The following BCLAF1 variants were observed in gnomAD, a reference collection of about 807,000 sequenced individuals.
The protein encoded by BCLAF1 is bcl-2-associated transcription factor 1.
A neutral mutation model predicts 99.5 loss-of-function variants in BCLAF1; 10 were observed. The ratio of observed to expected loss-of-function variants is 0.10; its 90% CI spans 0.06 to 0.17. The LOEUF (loss-of-function observed/expected upper bound fraction) is 0.17. BCLAF1 is among the 10% of genes least tolerant of loss of function. BCLAF1 has a pLI of 1.00. For missense variants in BCLAF1, 636 were observed against 1,105.8 expected, an observed-to-expected ratio of 0.58 and a Z score of 6.02; for synonymous variants, 255 against 370.9, an observed-to-expected ratio of 0.69 and a Z score of 3.59.
chr6:136,269,715 TTTTAGTATCAG>T, intron 8 of BCLAF1, 103 bp from the exon 9 acceptor site: 3 of 834,920 alleles, frequency 3.6e-6, no homozygotes, highest in South Asian at 2.8e-5. Context: ...TAAACTGGCA[TTTTAGTATCAG>T]AAAATAATGA....
chr6:136,264,948 A>G (rs1781516733), intron 11 of BCLAF1, among the ~76,000 whole-genome samples: 1 of 152,232 alleles, frequency 6.6e-6, no homozygotes, highest in South Asian at 2.1e-4. Flanking sequence ...TAATGAAACT[A>G]CTGCCTAAGT....
chr6:136,280,306 T>C (rs773639532), intron 2 of BCLAF1, among the ~76,000 whole-genome samples: 3 of 152,014 alleles, frequency 2.0e-5, no homozygotes, highest in Non-Finnish European at 2.9e-5. Flanking sequence ...TAACAAAAAA[T>C]AAACCTACCA....
chr6:136,259,485 G>T lies in BCLAF1; in HGVS notation c.*1625C>A, dbSNP rs1439573401. ...TATTATTCTGAACAGGAGAATATTA[G>T]TTATGCCCTGATTAATGCAATACAT... On this transcript the variant is annotated 3_prime_UTR_variant, in exon 13 of 13. Transcript: ENST00000531224. 1 of 152,018 alleles carries T rather than the reference G, an allele frequency of 6.6e-6. No individual in the cohort carries two copies. The highest frequency in any genetic ancestry group is 1.5e-5 in the Non-Finnish European group (1 of 67,894). 9.4% of individuals were successfully genotyped at this position (152,018 alleles called of 1,614,324 possible).
At chr6:136,280,834 T>C (rs1784296880) in intron 2 of BCLAF1, among the ~76,000 whole-genome samples, 2 of 152,196 alleles carry the variant, frequency 1.3e-5, no homozygotes, top group Admixed American at 1.3e-4. Context: ...CCTCTCAAGC[T>C]TGTTTTTGCT....
intron 8 of BCLAF1, 102 bp from the exon 9 acceptor site, chr6:136,269,714 AT>A: frequency 1.2e-6 from 1 of 843,448 alleles, no homozygotes; most frequent in African/African-American, 1.8e-5. Flanking sequence ...CTAAACTGGC[AT>A]TTTAGTATCA....
intron 3 of BCLAF1, 83 bp from the exon 4 acceptor site, chr6:136,278,859 T>C: frequency 7.8e-7 from 1 of 1,277,170 alleles, no homozygotes; most frequent in South Asian, 2.0e-5. Flanking sequence ...ATATAACATG[T>C]AAATAAACAG....
intron 1 of BCLAF1, among the ~76,000 whole-genome samples, chr6:136,284,938 GA>G (rs1423638653): frequency 6.6e-6 from 1 of 152,140 alleles, no homozygotes; most frequent in Non-Finnish European, 1.5e-5. Flanking sequence ...TGGGCCTAAA[GA>G]CAGGGAACAC....
At chr6:136,274,085 T>G (rs1370898485) in intron 6 of BCLAF1, 1 of 1,288,310 alleles carries the variant, frequency 7.8e-7, no homozygotes, top group Non-Finnish European at 1.0e-6. Context: ...TCAGTTTTTA[T>G]GCCATTTTTG....
chr6:136,275,016 G>T (rs1257554808), intron 6 of BCLAF1, among the ~76,000 whole-genome samples: 3 of 151,634 alleles, frequency 2.0e-5, no homozygotes, highest in Non-Finnish European at 4.4e-5. Flanking sequence ...AAATTTTCTT[G>T]TTTTATCATT....
Position 136,257,662 on chromosome 6 carries a change from GA to G in BCLAF1, c.*3447del, listed in dbSNP as rs1780536307. The G allele has an allele frequency of 6.6e-6, 1 of 152,022 alleles. No individual in the cohort carries two copies. The highest frequency in any genetic ancestry group is 1.5e-5 in the Non-Finnish European group (1 of 67,960). 9.4% of individuals were successfully genotyped at this position (152,022 alleles called of 1,614,324 possible). ...ATTTGAGAACTCTAAACATGTAATG[GA>G]TATTACTTTCTCATTTTAAGGCTCA... On this transcript the variant is annotated 3_prime_UTR_variant, in exon 13 of 13. Transcript: ENST00000531224.
At chr6:136,280,940 A>G (rs1401400013) in intron 2 of BCLAF1, among the ~76,000 whole-genome samples, 1 of 152,202 alleles carries the variant, frequency 6.6e-6, no homozygotes, top group Non-Finnish European at 1.5e-5. Context: ...TGCAATTCCC[A>G]TAATACTTAA....
At chr6:136,288,872 T>A (rs1785531720) in intron 1 of BCLAF1, among the ~76,000 whole-genome samples, 1 of 152,172 alleles carries the variant, frequency 6.6e-6, no homozygotes, top group Non-Finnish European at 1.5e-5. Flanking sequence ...CTGAATCACT[T>A]GAAAAGACTC....
At chr6:136,278,907 T>A in intron 3 of BCLAF1, 131 bp from the exon 4 acceptor site, 1 of 913,150 alleles carries the variant, frequency 1.1e-6, no homozygotes, top group Non-Finnish European at 1.5e-6. Context: ...AACTCATCTG[T>A]ACAAAAGTTA....
At chr6:136,278,994 AAC>A (rs71006795) in intron 3 of BCLAF1, among the ~76,000 whole-genome samples, 1,472 of 145,456 alleles carry the variant, frequency 0.01, 20 homozygotes, top group African/African-American at 0.018. Context: ...GAAGGCACAA[AAC>A]ACACACACAC....
chr6:136,282,358 T>C (rs1584098059), intron 2 of BCLAF1, among the ~76,000 whole-genome samples: 1 of 152,008 alleles, frequency 6.6e-6, no homozygotes, highest in African/African-American at 2.4e-5. Context: ...GATGTGTTTA[T>C]AGAAATAGAA....
chr6:136,289,089 A>G (rs953184568), intron 1 of BCLAF1, among the ~76,000 whole-genome samples: 2 of 152,222 alleles, frequency 1.3e-5, no homozygotes, highest in Admixed American at 1.3e-4. Flanking sequence ...AGCGAGAGGC[A>G]GAACAGAGCA....
chr6:136,273,136 T>C lies in BCLAF1; in HGVS notation c.1904A>G (p.Tyr635Cys). The C allele has an allele frequency of 6.2e-7, 1 of 1,612,344 alleles. No individual in the cohort carries two copies. The highest frequency in any genetic ancestry group is 1.1e-5 in the South Asian group (1 of 91,038). Residue 635 changes from tyrosine to cysteine, a missense_variant, in exon 7 of 13, where the codon TAT (tyrosine) becomes TGT (cysteine). Physicochemically the swap from Tyr to Cys is radical, Grantham distance 194. This residue lies in a region of BCLAF1 where 180 missense variants were observed against 270.0 expected (regional missense o/e 0.67). Coordinates refer to ENST00000531224, the MANE Select transcript of BCLAF1 (RefSeq NM_014739.3). Reference sequence around the variant, plus strand: ...ACTATGTTCTTCAGTGGCTTTCTGATACGAAGTGAACCGCTCGTTTAGGGT... The same window carrying C: ...ACTATGTTCTTCAGTGGCTTTCTGACACGAAGTGAACCGCTCGTTTAGGGT... ...AMTLNERFTS[Y>C]QKATEEHSTR...
intron 1 of BCLAF1, among the ~76,000 whole-genome samples, chr6:136,287,110 A>G (rs565094636): frequency 6.6e-6 from 1 of 151,962 alleles, no homozygotes; most frequent in African/African-American, 2.4e-5. Context: ...ACTGCACACC[A>G]GCCTTGGCGA....
At position 136,266,787 on chromosome 6, in the gene BCLAF1, C is replaced by CA. The variant is rs1342817651; in HGVS notation, c.2544+241dup. ...AATGTTTTTCTCTGAATGTGGGTAACAAATCAGGTATATTTTTTGCTTACC... is the reference window on the plus strand; with the variant it reads ...AATGTTTTTCTCTGAATGTGGGTAACAAAATCAGGTATATTTTTTGCTTACC... On this transcript the variant is annotated intron_variant, in intron 11 of 12. Transcript: ENST00000531224. Among the ~76,000 whole-genome samples, 10 of 152,054 alleles carry CA rather than the reference C, an allele frequency of 6.6e-5. No homozygotes were observed. The South Asian group carries it at 2.1e-3, about 31-fold the overall frequency.
Sources: gnomAD v4.1 joint callset for allele counts (sites outside exome capture counted in the v4.1 genomes callset) on GRCh38, gnomAD v4.1.1 for gene constraint, gnomAD v4.1.1 regional missense constraint, MANE v1.5 for transcripts, NCBI Gene and HGNC (gene_info 2026-07-23, HGNC 2026-07-21) for gene names.